Variants in IFNGR2 observed in about 807,000 individuals in gnomAD.
IFNGR2 encodes IFN-gamma receptor 2.
In IFNGR2, 15 loss-of-function variants were observed where a neutral mutation model predicts 41.1. The ratio of observed to expected loss-of-function variants is 0.37; its 90% CI spans 0.24 to 0.56. The LOEUF (loss-of-function observed/expected upper bound fraction) is 0.56, where lower values mean the gene tolerates loss of function less well. IFNGR2 is among the 20% of genes least tolerant of loss of function. The pLI is 0.81. For missense variants in IFNGR2, 362 were observed against 415.7 expected (o/e 0.87, Z 1.12); for synonymous variants, 161 against 171.6 (o/e 0.94, Z 0.48).
chr21:33,409,046 G>A (rs1425940875), intron 1 of IFNGR2, among the ~76,000 whole-genome samples: 3 of 151,944 alleles, frequency 2.0e-5, no homozygotes, highest in Admixed American at 6.6e-5. Flanking sequence ...GCACAGTGGC[G>A]GGTGCCTGTA....
chr21:33,433,998 G>A (rs2284556), intron 6 of IFNGR2, among the ~76,000 whole-genome samples: 88,604 of 151,596 alleles, frequency 0.58, 27,916 homozygotes, highest in East Asian at 0.82. Context: ...AGGGCCCTAA[G>A]GCAGAGTCAA....
chr21:33,423,369 A>C (rs544149448), intron 3 of IFNGR2, among the ~76,000 whole-genome samples: 1 of 145,944 alleles, frequency 6.9e-6, no homozygotes, highest in Non-Finnish European at 1.5e-5. Context: ...TGTGTTTGAA[A>C]TTTTCTGTAA....
Position 33,437,207 on chromosome 21 carries a change from C to T in IFNGR2, c.*245C>T, listed in dbSNP as rs1229460638. ...AGATATCCCAGGAAAATTAAGGCTT[C>T]TCTTAAACACTAAAAAGGCATGTAA... On this transcript the variant is annotated 3_prime_UTR_variant, in exon 7 of 7. Transcript: ENST00000290219. The T allele has an allele frequency of 1.0e-5, 5 of 488,472 alleles. No individual in the cohort carries two copies. The highest frequency in any genetic ancestry group is 1.5e-5 in the Non-Finnish European group (4 of 270,950). The allele number at this position is 488,472 out of a possible 1,614,324, so 30.3% of individuals were successfully genotyped here. A position where few individuals can be genotyped will look rare whatever the true frequency, so the allele number is the denominator to read the frequency against.
At chr21:33,423,389 T>G (rs1357127367) in intron 3 of IFNGR2, among the ~76,000 whole-genome samples, 1 of 150,846 alleles carries the variant, frequency 6.6e-6, no homozygotes, top group Non-Finnish European at 1.5e-5. Flanking sequence ...ATAAAAAGTT[T>G]TTTTTTGTTG....
intron 1 of IFNGR2, among the ~76,000 whole-genome samples, chr21:33,413,833 T>TTC (rs1209278856): frequency 7.5e-6 from 1 of 133,630 alleles, no homozygotes; most frequent in East Asian, 2.1e-4. Flanking sequence ...AACCTTTTTT[T>TTC]TTTTTTTTTT....
At chr21:33,435,659 T>G (rs1601096957) in intron 6 of IFNGR2, among the ~76,000 whole-genome samples, 1 of 150,186 alleles carries the variant, frequency 6.7e-6, no homozygotes, top group African/African-American at 2.5e-5. Flanking sequence ...CCGAGGTGGG[T>G]GGATCATGAA....
chr21:33,436,741 A>AC, intron 6 of IFNGR2, 87 bp from the exon 7 acceptor site: 2 of 1,104,678 alleles, frequency 1.8e-6, no homozygotes, highest in Admixed American at 2.3e-5. Context: ...AAAAATAAAA[A>AC]TAAAATAAAA....
intron 2 of IFNGR2, among the ~76,000 whole-genome samples, chr21:33,419,459 T>TTGTGTGTGTGTG (rs35945253): frequency 6.7e-6 from 1 of 149,988 alleles, no homozygotes; most frequent in Non-Finnish European, 1.5e-5. Context: ...TGTTTGAAAA[T>TTGTGTGTGTGTG]TGTGTGTGTG....
intron 6 of IFNGR2, among the ~76,000 whole-genome samples, chr21:33,433,310 A>G (rs1237835902): frequency 6.6e-6 from 1 of 152,156 alleles, no homozygotes; most frequent in Non-Finnish European, 1.5e-5. Context: ...TTGTTTGTAC[A>G]CCCATGTTCA....
chr21:33,408,977 G>T (rs1197666092), intron 1 of IFNGR2, among the ~76,000 whole-genome samples: 1 of 152,056 alleles, frequency 6.6e-6, no homozygotes, highest in Non-Finnish European at 1.5e-5. Flanking sequence ...AGGAGTTCGA[G>T]ACCAGCCTGG....
chr21:33,407,601 T>C (rs2083685369), intron 1 of IFNGR2, among the ~76,000 whole-genome samples: 2 of 152,194 alleles, frequency 1.3e-5, no homozygotes, highest in South Asian at 4.1e-4. Flanking sequence ...GTCCAGTTGT[T>C]GTTGTTGTTT....
chr21:33,434,612 T>TTAC (rs2083925649), intron 6 of IFNGR2, among the ~76,000 whole-genome samples: 1 of 152,152 alleles, frequency 6.6e-6, no homozygotes, highest in Admixed American at 6.6e-5. Context: ...AAGCAGAATG[T>TTAC]TACTCAGTTA....
At chr21:33,407,925 G>A (rs955337753) in intron 1 of IFNGR2, among the ~76,000 whole-genome samples, 10 of 143,118 alleles carry the variant, frequency 7.0e-5, no homozygotes, top group African/African-American at 2.3e-4. Flanking sequence ...GCCTGGCCTA[G>A]TATTTCTTGA....
At chr21:33,424,262 T>C (rs919464068) in intron 3 of IFNGR2, among the ~76,000 whole-genome samples, 2 of 151,686 alleles carry the variant, frequency 1.3e-5, no homozygotes, top group Non-Finnish European at 2.9e-5. Context: ...GATGACACCA[T>C]TGCACATCAG....
chr21:33,421,366 A>G (rs913824739), intron 2 of IFNGR2, 114 bp from the exon 3 acceptor site: 15 of 755,398 alleles, frequency 2.0e-5, no homozygotes, highest in Non-Finnish European at 3.3e-5. Context: ...GGGGAACTGT[A>G]TGGTACATAT....
intron 6 of IFNGR2, among the ~76,000 whole-genome samples, chr21:33,434,965 G>A (rs192369205): frequency 1.2e-4 from 19 of 152,250 alleles, no homozygotes; most frequent in Non-Finnish European, 2.1e-4. Flanking sequence ...AAGAACATCC[G>A]CCAAAGGTCT....
rs768605434 is a variant in IFNGR2 at position 33,432,670 on chromosome 21, T to G, written c.722-44T>G. The G allele has an allele frequency of 6.9e-6, 11 of 1,603,508 alleles. No homozygotes were observed. In the South Asian group the frequency reaches 1.2e-4, roughly 18 times the overall value. On this transcript the variant is annotated intron_variant, in intron 5 of 6. Transcript: ENST00000290219. ...GGAACATTAACTGATGTTTGTGTTGTGCGTAGGAAGATCATTCTGTTCACT... is the reference window on the plus strand; with the variant it reads ...GGAACATTAACTGATGTTTGTGTTGGGCGTAGGAAGATCATTCTGTTCACT...
At chr21:33,418,800 AAAT>A (rs2083771269) in intron 2 of IFNGR2, among the ~76,000 whole-genome samples, 1 of 152,082 alleles carries the variant, frequency 6.6e-6, no homozygotes, top group South Asian at 2.1e-4. Context: ...ACTTAGAAAA[AAAT>A]AATAATAAAT....
rs893539360 is a variant in IFNGR2, at chr21:33,436,862, C to T, written c.914C>T (p.Ala305Val). The change falls in exon 7 of 7, where the codon GCC (alanine) becomes GTC (valine). Residue 305 changes from alanine to valine, a missense_variant. By Grantham distance (64) the Ala-to-Val change is moderately conservative. Transcript: ENST00000290219. ...LKDPTQPILEALDKDSSPKDD... is the reference protein window; with the variant it reads ...LKDPTQPILEVLDKDSSPKDD... ...GACCCAACTCAGCCCATCTTAGAGGCCTTGGACAAGGACAGCTCACCAAAG... is the reference window on the plus strand; with the variant it reads ...GACCCAACTCAGCCCATCTTAGAGGTCTTGGACAAGGACAGCTCACCAAAG... 6.2e-7 allele frequency: 1 copy of T among 1,614,040 alleles called. No individual in the cohort carries two copies. Among genetic ancestry groups the T allele is most frequent in the Non-Finnish European group, 8.5e-7 (1 of 1,179,902 alleles).
Sources: gnomAD v4.1 joint callset for allele counts (sites outside exome capture counted in the v4.1 genomes callset) on GRCh38, gnomAD v4.1.1 for gene constraint, MANE v1.5 for transcripts, NCBI Gene and HGNC (gene_info 2026-07-23, HGNC 2026-07-21) for gene names.